The following KCNIP1 variants were observed in gnomAD, a reference collection of about 807,000 sequenced individuals.
The protein encoded by KCNIP1 is potassium voltage-gated channel interacting protein 1.
In KCNIP1, 18 loss-of-function variants were observed where a neutral mutation model predicts 33.0. The ratio of observed to expected loss-of-function variants is 0.55; its 90% CI spans 0.38 to 0.81. The LOEUF (loss-of-function observed/expected upper bound fraction) is 0.81. Among genes scored for constraint, KCNIP1 ranks in the 30% least tolerant of loss-of-function variants. The pLI, the probability that KCNIP1 is intolerant of heterozygous loss-of-function variation, is 0.00. For missense variants in KCNIP1, 238 were observed against 271.6 expected, an observed-to-expected ratio of 0.88 and a Z score of 0.87; for synonymous variants, 93 against 98.3, an observed-to-expected ratio of 0.95 and a Z score of 0.32.
chr5:170,465,811 C>T (rs771157252), intron 1 of KCNIP1, among the ~76,000 whole-genome samples: 8 of 152,164 alleles, frequency 5.3e-5, no homozygotes, highest in Non-Finnish European at 1.2e-4. Context: ...CTCAGAAGAA[C>T]ATTCTAGAAC....
chr5:170,394,615 T>C (rs923940637), intron 1 of KCNIP1, among the ~76,000 whole-genome samples: 1 of 152,246 alleles, frequency 6.6e-6, no homozygotes, highest in Non-Finnish European at 1.5e-5. Context: ...ATTTTAATTA[T>C]AGATTCGGGG....
chr5:170,618,461 G>A (rs934290571), intron 1 of KCNIP1, among the ~76,000 whole-genome samples: 10 of 132,064 alleles, frequency 7.6e-5, no homozygotes, highest in African/African-American at 2.8e-4. Flanking sequence ...AAGGAAAGAA[G>A]AAAAGAAAGG....
At position 170,700,648 on chromosome 5, in the gene KCNIP1, G is replaced by C. The variant is rs555959872; in HGVS notation, c.62-18110G>C. On this transcript the variant is annotated intron_variant, in intron 1 of 7. Transcript: ENST00000328939. ...TGAGGGCAGAGATTGTTCATGCATG[G>C]AATTGTGATTTATAAGCACTGGCTC... is the stretch of plus-strand genomic sequence containing the variant. Among the ~76,000 whole-genome samples, 7 of 152,344 alleles carry C rather than the reference G, an allele frequency of 4.6e-5. No homozygotes were observed. In the South Asian group the frequency reaches 1.5e-3, roughly 32 times the overall value.
chr5:170,587,374 A>G (rs1758032170), intron 1 of KCNIP1, among the ~76,000 whole-genome samples: 1 of 139,332 alleles, frequency 7.2e-6, no homozygotes, highest in East Asian at 2.3e-4. Flanking sequence ...GTGAGCCGAG[A>G]TTGTGCCATT....
At chr5:170,378,690 A>G in intron 1 of KCNIP1, 1 of 1,599,270 alleles carries the variant, frequency 6.3e-7, no homozygotes, top group Non-Finnish European at 8.5e-7. Context: ...GTGGTATGGC[A>G]TGGATGGATG....
intron 1 of KCNIP1, among the ~76,000 whole-genome samples, chr5:170,660,653 G>T (rs1761448851): frequency 6.6e-6 from 1 of 152,226 alleles, no homozygotes; most frequent in African/African-American, 2.4e-5. Context: ...GGAAGAGAGG[G>T]ATGGGTCCTC....
At chr5:170,602,336 A>G (rs1031018789) in intron 1 of KCNIP1, among the ~76,000 whole-genome samples, 6 of 152,142 alleles carry the variant, frequency 3.9e-5, no homozygotes, top group Non-Finnish European at 5.9e-5. Flanking sequence ...CTGGAATCAA[A>G]TCCCACCGCT....
At chr5:170,537,992 A>C (rs140333394) in intron 1 of KCNIP1, among the ~76,000 whole-genome samples, 18 of 152,370 alleles carry the variant, frequency 1.2e-4, no homozygotes, top group Admixed American at 2.6e-4. Flanking sequence ...AAGCAGGAGT[A>C]ATGAACACTG....
At chr5:170,392,531 G>A (rs1223166137) in intron 1 of KCNIP1, among the ~76,000 whole-genome samples, 1 of 152,174 alleles carries the variant, frequency 6.6e-6, no homozygotes, top group African/African-American at 2.4e-5. Flanking sequence ...GTTTAGAAAT[G>A]CTTTATCTAG....
chr5:170,614,311 G>T (rs1312819081), intron 1 of KCNIP1, among the ~76,000 whole-genome samples: 1 of 152,182 alleles, frequency 6.6e-6, no homozygotes, highest in African/African-American at 2.4e-5. Flanking sequence ...GCTGTCTGAG[G>T]CTTCAGGGCC....
chr5:170,714,513 C>T (rs1405134791), intron 1 of KCNIP1, among the ~76,000 whole-genome samples: 1 of 152,160 alleles, frequency 6.6e-6, no homozygotes, highest in Non-Finnish European at 1.5e-5. Flanking sequence ...TACAGTCATG[C>T]TCTGCATAAT....
chr5:170,602,946 C>T (rs1758753968), intron 1 of KCNIP1, among the ~76,000 whole-genome samples: 1 of 152,244 alleles, frequency 6.6e-6, no homozygotes, highest in South Asian at 2.1e-4. Context: ...ACACTCTCCT[C>T]CCCTGGCCCC....
upstream of KCNIP1, among the ~76,000 whole-genome samples, chr5:170,499,053 G>T (rs1757363357): frequency 6.6e-6 from 1 of 152,154 alleles, no homozygotes; most frequent in Admixed American, 6.5e-5. Context: ...AGGAAACTCG[G>T]CCTTTGCTTT....
chr5:170,709,037 GT>G (rs895100358), intron 1 of KCNIP1, among the ~76,000 whole-genome samples: 2 of 152,080 alleles, frequency 1.3e-5, no homozygotes, highest in Admixed American at 6.5e-5. Context: ...ATTCTTTAAA[GT>G]TTTTTGAGAT....
chr5:170,418,315 C>A (rs1027295410), intron 1 of KCNIP1, among the ~76,000 whole-genome samples: 1 of 152,180 alleles, frequency 6.6e-6, no homozygotes, highest in African/African-American at 2.4e-5. Flanking sequence ...CCTGTAATCC[C>A]AGCTACTGGG....
intron 1 of KCNIP1, among the ~76,000 whole-genome samples, chr5:170,526,719 CTTTT>C (rs145988547): frequency 1.6e-5 from 2 of 122,804 alleles, no homozygotes; most frequent in Admixed American, 8.5e-5. Context: ...ATCTGATTAG[CTTTT>C]TTTTTTTTTT....
intron 5 of KCNIP1, among the ~76,000 whole-genome samples, chr5:170,725,198 C>G (rs1380241725): frequency 6.6e-6 from 1 of 152,142 alleles, no homozygotes; most frequent in Non-Finnish European, 1.5e-5. Context: ...TAAAGGAAAC[C>G]AGTATATCAA....
At chr5:170,452,880 A>G (rs1436575843) in intron 1 of KCNIP1, among the ~76,000 whole-genome samples, 1 of 152,224 alleles carries the variant, frequency 6.6e-6, no homozygotes. Flanking sequence ...ATTACCACCC[A>G]GAATTCATCG....
chr5:170,646,546 T>C (rs574041161), intron 1 of KCNIP1, among the ~76,000 whole-genome samples: 1 of 152,276 alleles, frequency 6.6e-6, no homozygotes, highest in South Asian at 2.1e-4. Flanking sequence ...TAACCCCCAG[T>C]TGTGATTAAA....
Sources: gnomAD v4.1 joint callset for allele counts (sites outside exome capture counted in the v4.1 genomes callset) on GRCh38, gnomAD v4.1.1 for gene constraint, MANE v1.5 for transcripts, NCBI Gene and HGNC (gene_info 2026-07-23, HGNC 2026-07-21) for gene names.